Variants in VDAC1 observed in about 807,000 individuals in gnomAD.
VDAC1 encodes the protein voltage dependent anion channel 1, also known as non-selective voltage-gated ion channel VDAC1.
In VDAC1, 10 loss-of-function variants were observed where a neutral mutation model predicts 34.7. The observed-to-expected ratio is 0.29, with a 90% CI of 0.18 to 0.49. The LOEUF (loss-of-function observed/expected upper bound fraction) is 0.49. Among genes scored for constraint, VDAC1 ranks in the 20% least tolerant of loss-of-function variants. VDAC1 has a pLI of 0.99. For synonymous variants in VDAC1, 130 were observed against 136.0 expected, an observed-to-expected ratio of 0.96 and a Z score of 0.30; for missense variants, 230 against 347.9, an observed-to-expected ratio of 0.66 and a Z score of 2.69.
chr5:134,112,464 C>G, the VDAC1 span, among the ~76,000 whole-genome samples: 3 of 152,182 alleles, frequency 2.0e-5, no homozygotes, highest in Non-Finnish European at 4.4e-5. Context: ...CCTTCTCTCC[C>G]TCACGCCTCC....
the VDAC1 span, among the ~76,000 whole-genome samples, chr5:134,014,118 G>A: frequency 4.6e-5 from 7 of 151,876 alleles, no homozygotes; most frequent in Admixed American, 1.3e-4. Context: ...GTGAAACCCC[G>A]AGTCTACTAA....
chr5:133,992,858 C>T (rs1753158363), intron 2 of VDAC1, 88 bp downstream of exon 2: 1 of 1,294,714 alleles, frequency 7.7e-7, no homozygotes, highest in Non-Finnish European at 1.1e-6. Context: ...GCTGACCTAC[C>T]CAGGTCTCCT....
the VDAC1 span, among the ~76,000 whole-genome samples, chr5:134,037,548 A>G: frequency 1.2e-4 from 18 of 152,144 alleles, no homozygotes; most frequent in Non-Finnish European, 2.4e-4. Context: ...TCCTTCCTCA[A>G]CCAACTGCAA....
chr5:134,008,227 T>G (rs1753786845), upstream of VDAC1, among the ~76,000 whole-genome samples: 1 of 147,464 alleles, frequency 6.8e-6, no homozygotes, highest in Non-Finnish European at 1.5e-5. Context: ...GAATAAAGAC[T>G]CCCTGAAAAT....
At chr5:134,069,092 A>G in the VDAC1 span, among the ~76,000 whole-genome samples, 1 of 151,916 alleles carries the variant, frequency 6.6e-6, no homozygotes, top group Non-Finnish European at 1.5e-5. Flanking sequence ...CCACCCACAC[A>G]GCCACCCCCC....
At chr5:133,988,521 T>C (rs1752983928) in intron 5 of VDAC1, among the ~76,000 whole-genome samples, 1 of 151,886 alleles carries the variant, frequency 6.6e-6, no homozygotes, top group South Asian at 2.1e-4. Context: ...GCCCAGCACT[T>C]TGGGAGGCCG....
At chr5:133,999,563 G>A (rs774665702) in intron 1 of VDAC1, among the ~76,000 whole-genome samples, 2 of 152,126 alleles carry the variant, frequency 1.3e-5, no homozygotes, top group Non-Finnish European at 2.9e-5. Context: ...GAAGACGGGA[G>A]TTTAGGGAAG....
chr5:134,054,316 C>T, the VDAC1 span, among the ~76,000 whole-genome samples: 2 of 152,276 alleles, frequency 1.3e-5, no homozygotes, highest in South Asian at 2.1e-4. Flanking sequence ...CAAGGTGCAG[C>T]GGCTCAGGGC....
chr5:134,016,380 AG>A, the VDAC1 span, among the ~76,000 whole-genome samples: 1 of 152,216 alleles, frequency 6.6e-6, no homozygotes, highest in South Asian at 2.1e-4. Context: ...TGAGAAGGCA[AG>A]GGCTTCCCCC....
chr5:134,016,213 A>T, the VDAC1 span, among the ~76,000 whole-genome samples: 1 of 152,174 alleles, frequency 6.6e-6, no homozygotes, highest in African/African-American at 2.4e-5. Flanking sequence ...GTAAGTGCAG[A>T]TCTCATTATT....
chr5:134,015,802 A>G, the VDAC1 span, among the ~76,000 whole-genome samples: 2 of 151,846 alleles, frequency 1.3e-5, no homozygotes, highest in Non-Finnish European at 2.9e-5. Flanking sequence ...ACGCCACCAC[A>G]CCCAGCTAAT....
At chr5:134,020,909 G>A in the VDAC1 span, among the ~76,000 whole-genome samples, 4 of 151,724 alleles carry the variant, frequency 2.6e-5, no homozygotes, top group Non-Finnish European at 5.9e-5. Flanking sequence ...TGTAATCCCA[G>A]AACTTTGGGA....
the VDAC1 span, among the ~76,000 whole-genome samples, chr5:134,101,725 T>G: frequency 2.6e-5 from 4 of 152,218 alleles, no homozygotes; most frequent in African/African-American, 9.6e-5. Context: ...GACTCCTGAC[T>G]GCTGGATCAC....
intron 1 of VDAC1, among the ~76,000 whole-genome samples, chr5:134,004,231 C>CCGGCGAGCGTGGG (rs1449873883): frequency 4.6e-5 from 7 of 151,890 alleles, no homozygotes; most frequent in Non-Finnish European, 1.0e-4. Context: ...CTGGCCTGGT[C>CCGGCGAGCGTGGG]CGGCGAGCGT....
chr5:134,000,563 T>G (rs1486349641), intron 1 of VDAC1, among the ~76,000 whole-genome samples: 1 of 152,154 alleles, frequency 6.6e-6, no homozygotes, highest in African/African-American at 2.4e-5. Context: ...CCAGGTAGGG[T>G]TGAGACAGAC....
At chr5:134,012,599 G>T in the VDAC1 span, among the ~76,000 whole-genome samples, 1 of 152,046 alleles carries the variant, frequency 6.6e-6, no homozygotes, top group Non-Finnish European at 1.5e-5. Context: ...TGTGACACAA[G>T]CAAATGGAAA....
At chr5:134,001,894 G>A (rs528245536) in intron 1 of VDAC1, among the ~76,000 whole-genome samples, 5 of 152,072 alleles carry the variant, frequency 3.3e-5, no homozygotes, top group Admixed American at 3.3e-4. Flanking sequence ...CAAACCCCCT[G>A]AGTACGTGGT....
the VDAC1 span, among the ~76,000 whole-genome samples, chr5:134,062,799 GT>G: frequency 3.3e-5 from 5 of 151,288 alleles, no homozygotes; most frequent in African/African-American, 9.7e-5. Context: ...GCTAATTTTT[GT>G]TTTTTTAGTA....
the VDAC1 span, among the ~76,000 whole-genome samples, chr5:134,088,117 T>A: frequency 7.9e-5 from 12 of 152,076 alleles, no homozygotes; most frequent in African/African-American, 2.9e-4. Flanking sequence ...ATCACGCCAC[T>A]GCACTCCAGC....
Sources: allele counts gnomAD v4.1 joint callset (sites outside exome capture counted in the v4.1 genomes callset), GRCh38; gene constraint gnomAD v4.1.1; transcripts MANE v1.5; gene names NCBI Gene and HGNC (gene_info 2026-07-23, HGNC 2026-07-21).